The following TAF2 variants were observed in gnomAD, a reference collection of about 807,000 sequenced individuals.
TAF2 encodes TATA-box binding protein associated factor 2, also known as transcription initiation factor TFIID subunit 2.
Under a neutral mutation model 138.5 loss-of-function variants are expected in TAF2, and 61 were observed. The ratio of observed to expected loss-of-function variants is 0.44; its 90% CI spans 0.36 to 0.54. TAF2 has a LOEUF of 0.54. Ranked by LOEUF, TAF2 falls within the 20% of genes least tolerant of loss-of-function variation. The pLI is 0.00. For synonymous variants in TAF2, 475 were observed against 469.9 expected, an observed-to-expected ratio of 1.01 and a Z score of -0.14; for missense variants, 1,090 against 1,427.9, an observed-to-expected ratio of 0.76 and a Z score of 3.81.
chr8:119,819,161 C>T (rs1825670403), intron 3 of TAF2, among the ~76,000 whole-genome samples, 185 bp downstream of exon 3: 1 of 152,038 alleles, frequency 6.6e-6, no homozygotes, highest in African/African-American at 2.4e-5. Flanking sequence ...AACTTAGTAA[C>T]TACGTTGGGC....
chr8:119,812,259 A>G (rs1825121672), intron 3 of TAF2, among the ~76,000 whole-genome samples: 1 of 152,180 alleles, frequency 6.6e-6, no homozygotes, highest in Non-Finnish European at 1.5e-5. Context: ...TACCTGGGCC[A>G]TAACAGGCAG....
At chr8:119,822,067 T>C (rs546204782) in intron 2 of TAF2, among the ~76,000 whole-genome samples, 3 of 152,188 alleles carry the variant, frequency 2.0e-5, no homozygotes, top group East Asian at 1.9e-4. Context: ...CTTAAAATTA[T>C]AGCTGGCATC....
chr8:119,775,906 T>C (rs1822197331), intron 18 of TAF2, among the ~76,000 whole-genome samples: 1 of 152,210 alleles, frequency 6.6e-6, no homozygotes, highest in Non-Finnish European at 1.5e-5. Flanking sequence ...CTTATGTTAA[T>C]TTAGTGTTAC....
chr8:119,782,822 TAC>T (rs1426898660), intron 16 of TAF2, among the ~76,000 whole-genome samples: 1 of 152,174 alleles, frequency 6.6e-6, no homozygotes, highest in Non-Finnish European at 1.5e-5. Context: ...GAATAATTAT[TAC>T]AGTGGGATAA....
chr8:119,825,174 G>C (rs1393643308), intron 2 of TAF2, among the ~76,000 whole-genome samples: 3 of 152,250 alleles, frequency 2.0e-5, no homozygotes, highest in Non-Finnish European at 4.4e-5. Context: ...TCTTGCATCA[G>C]CATGACCTGG....
chr8:119,787,465 T>C (rs1823101510), intron 14 of TAF2, among the ~76,000 whole-genome samples: 1 of 151,968 alleles, frequency 6.6e-6, no homozygotes, highest in African/African-American at 2.4e-5. Flanking sequence ...AAGACATTTA[T>C]GCGGCAACAA....
At chr8:119,759,692 GTTA>G (rs1820931331) in intron 20 of TAF2, among the ~76,000 whole-genome samples, 2 of 152,070 alleles carry the variant, frequency 1.3e-5, no homozygotes, top group South Asian at 2.1e-4. Flanking sequence ...CCAGTCTTGA[GTTA>G]TTATTTTGAC....
chr8:119,783,453 T>G lies in TAF2; in HGVS notation c.2040A>C (p.Ala680=). 3 of 1,614,146 alleles carry G rather than the reference T, an allele frequency of 1.9e-6. No homozygotes were observed. The highest frequency in any genetic ancestry group is 1.7e-6 in the Non-Finnish European group (2 of 1,180,016). ...EKFPTPASRL[A]LTDILEQEQC... ...GCTCTTGTTCTAATATATCAGTGAG[T>G]GCAAGCCGAGATGCTGGAGTAGGGA... The change falls in exon 16 of 26, where the codon GCA becomes GCC. Residue 680 remains alanine, a synonymous_variant. Transcript: ENST00000378164.
At chr8:119,755,733 A>G (rs186351654) in intron 22 of TAF2, among the ~76,000 whole-genome samples, 2 of 152,192 alleles carry the variant, frequency 1.3e-5, no homozygotes, top group East Asian at 3.9e-4. Flanking sequence ...TAATAATAAT[A>G]CTTTGCAGGC....
At position 119,756,032 on chromosome 8, in the gene TAF2, T is replaced by C; in HGVS notation, c.2852A>G (p.Asp951Gly). Reference sequence around the variant, plus strand: ...AGAATTCATAAGTTTCCAAAGTTGATCTACCAGGGCTTCATTGCATAAGGG... The same window carrying C: ...AGAATTCATAAGTTTCCAAAGTTGACCTACCAGGGCTTCATTGCATAAGGG... ...ESPLCNEALV[D>G]QLWKLMNSGT... The change falls in exon 22 of 26, where the codon GAT (aspartate) becomes GGT (glycine). Residue 951 changes from aspartate (D) to glycine (G), a missense_variant. Asp to Gly is a moderately conservative substitution (Grantham distance 94, BLOSUM62 -1). Transcript: ENST00000378164. 1 of 1,613,478 alleles carries C rather than the reference T, an allele frequency of 6.2e-7. No homozygotes were observed. The highest frequency in any genetic ancestry group is 8.5e-7 in the Non-Finnish European group (1 of 1,179,640).
intron 18 of TAF2, chr8:119,767,057 G>C (rs1419371404): frequency 6.6e-6 from 1 of 152,120 alleles, no homozygotes; most frequent in Non-Finnish European, 1.5e-5. Context: ...ATATGACACA[G>C]AACTGACAGC....
intron 3 of TAF2, among the ~76,000 whole-genome samples, chr8:119,817,076 C>G (rs1825524768): frequency 1.3e-5 from 2 of 149,746 alleles, no homozygotes; most frequent in Admixed American, 6.6e-5. Flanking sequence ...AATTATTAGT[C>G]AAGCATTTAC....
intron 2 of TAF2, among the ~76,000 whole-genome samples, chr8:119,820,556 TAAG>T (rs1825749576): frequency 6.6e-6 from 1 of 151,642 alleles, no homozygotes; most frequent in Non-Finnish European, 1.5e-5. Flanking sequence ...ACAGATAAGA[TAAG>T]AAAGGCAAAA....
chr8:119,733,977 G>A (rs1002702976), intron 25 of TAF2, among the ~76,000 whole-genome samples: 1 of 152,142 alleles, frequency 6.6e-6, no homozygotes, highest in Non-Finnish European at 1.5e-5. Flanking sequence ...AACACCAGGG[G>A]TGATTTTGCC....
chr8:119,830,388 C>A (rs1479319363), intron 2 of TAF2, among the ~76,000 whole-genome samples: 1 of 152,088 alleles, frequency 6.6e-6, no homozygotes, highest in Non-Finnish European at 1.5e-5. Context: ...TATTTCAATT[C>A]CATTTTCACT....
chr8:119,751,002 C>A (rs1309283691), intron 22 of TAF2, among the ~76,000 whole-genome samples: 1 of 151,958 alleles, frequency 6.6e-6, no homozygotes, highest in Non-Finnish European at 1.5e-5. Context: ...AGATCTGTTT[C>A]TTCAGAAATA....
intron 1 of TAF2, 130 bp downstream of exon 1, chr8:119,832,352 C>G: frequency 2.5e-6 from 2 of 806,328 alleles, no homozygotes; most frequent in East Asian, 2.6e-5. Context: ...AACACCATTT[C>G]CATCACAGTG....
Position 119,742,596 on chromosome 8 carries a change from C to T in TAF2, c.3275G>A (p.Gly1092Asp). 1 of 1,613,924 alleles carries T rather than the reference C, an allele frequency of 6.2e-7. No individual in the cohort carries two copies. The highest frequency in any genetic ancestry group is 1.3e-5 in the African/African-American group (1 of 74,994). The change falls in exon 25 of 26, where the codon GGC (glycine) becomes GAC (aspartate). Residue 1092 changes from glycine to aspartate, a missense_variant. Gly to Asp is a moderately conservative substitution (Grantham distance 94, BLOSUM62 -1). This residue lies in a region of TAF2 where 580 missense variants were observed against 719.6 expected (regional missense o/e 0.81). Transcript: ENST00000378164. Reference protein sequence around the residue: ...RSALIPQHSAGCDSTPTTKPQ... With the variant: ...RSALIPQHSADCDSTPTTKPQ... ...TTTTGTGGTGGGTGTGCTGTCACAG[C>T]CTGCTGAGTGCTGGGGTATTAAAGC...
chr8:119,815,795 T>G (rs1825423378), intron 3 of TAF2, among the ~76,000 whole-genome samples: 1 of 152,196 alleles, frequency 6.6e-6, no homozygotes, highest in Non-Finnish European at 1.5e-5. Context: ...TCCATAAGAT[T>G]CACACACAAA....
Sources: gnomAD v4.1 joint callset for allele counts (sites outside exome capture counted in the v4.1 genomes callset) on GRCh38, gnomAD v4.1.1 for gene constraint, gnomAD v4.1.1 regional missense constraint, MANE v1.5 for transcripts, NCBI Gene and HGNC (gene_info 2026-07-23, HGNC 2026-07-21) for gene names.